Variants in TNIK observed in about 807,000 individuals in gnomAD.
TNIK encodes TRAF2 and NCK interacting kinase.
A neutral mutation model predicts 191.3 loss-of-function variants in TNIK; 49 were observed. That is an observed-to-expected ratio of 0.26 (90% CI 0.20 to 0.32). The LOEUF (loss-of-function observed/expected upper bound fraction) is 0.32. Among genes scored for constraint, TNIK ranks in the 10% least tolerant of loss-of-function variants. TNIK has a pLI of 1.00. For missense variants in TNIK, 1,155 were observed against 1,702.3 expected (o/e 0.68, Z 5.66); for synonymous variants, 594 against 600.9 (o/e 0.99, Z 0.17).
At chr3:171,213,607 G>T (rs1459712586) in intron 3 of TNIK, among the ~76,000 whole-genome samples, 1 of 152,048 alleles carries the variant, frequency 6.6e-6, no homozygotes, top group Non-Finnish European at 1.5e-5. Context: ...ACAACAGAAG[G>T]CACTATGTAA....
intron 2 of TNIK, among the ~76,000 whole-genome samples, chr3:171,299,315 G>A (rs570702787): frequency 1.6e-4 from 24 of 152,236 alleles, no homozygotes; most frequent in African/African-American, 5.5e-4. Flanking sequence ...CTCCAGTTTG[G>A]TGTCATCCTG....
At chr3:171,155,848 G>A (rs1733098980) in intron 12 of TNIK, among the ~76,000 whole-genome samples, 1 of 152,252 alleles carries the variant, frequency 6.6e-6, no homozygotes, top group Non-Finnish European at 1.5e-5. Flanking sequence ...TGGAGACACA[G>A]AACACATGCA....
chr3:171,427,004 G>A (rs142272131), intron 1 of TNIK, among the ~76,000 whole-genome samples: 169 of 152,320 alleles, frequency 1.1e-3, no homozygotes, highest in African/African-American at 3.8e-3. Flanking sequence ...GATCACAGAC[G>A]AAAGGGATAC....
intron 23 of TNIK, among the ~76,000 whole-genome samples, chr3:171,088,344 C>T: frequency 6.6e-6 from 1 of 151,676 alleles, no homozygotes; most frequent in East Asian, 1.9e-4. Context: ...AAGCAATTCT[C>T]CTGCCTCAGT....
chr3:171,424,939 A>T (rs1409493237), intron 1 of TNIK, among the ~76,000 whole-genome samples: 1 of 151,774 alleles, frequency 6.6e-6, no homozygotes, highest in Non-Finnish European at 1.5e-5. Flanking sequence ...TATATGTAAC[A>T]AACCTGCACG....
Position 171,195,075 on chromosome 3 carries a change from C to T in TNIK, c.307-440G>A, listed in dbSNP as rs1312296142. ...GTTTATGTTACTGGTTTGTAAGTGG[C>T]ACTGTAAGCTGTCAGTGTGGGAACT... On this transcript the variant is annotated intron_variant, in intron 4 of 32. Coordinates refer to ENST00000436636, the MANE Select transcript of TNIK (RefSeq NM_015028.4). Among the ~76,000 whole-genome samples the T allele has an allele frequency of 5.3e-5, 8 of 152,142 alleles. No homozygotes were observed. In the South Asian group the frequency reaches 1.5e-3, roughly 28 times the overall value.
Position 171,194,712 on chromosome 3 carries a change from G to A in TNIK, c.307-77C>T. On this transcript the variant is annotated intron_variant, in intron 4 of 32. Coordinates refer to ENST00000436636, the MANE Select transcript of TNIK (RefSeq NM_015028.4). ...ATTAAGTTGGGGTAAGAAAGCACAA[G>A]CAATTGGCTGCTTTGGAATGCCATT... 3.2e-6 allele frequency: 4 copies of A among 1,261,868 alleles called. No individual in the cohort carries two copies. The South Asian group carries it at 3.9e-5, about 12-fold the overall frequency. 78.2% of individuals were successfully genotyped at this position (1,261,868 alleles called of 1,614,324 possible).
At chr3:171,093,587 T>A (rs530832012) in intron 23 of TNIK, among the ~76,000 whole-genome samples, 122 of 152,320 alleles carry the variant, frequency 8.0e-4, no homozygotes, top group Non-Finnish European at 1.4e-3. Context: ...AAATTCTATA[T>A]TCTGATTTGC....
At chr3:171,175,411 G>T in intron 8 of TNIK, 81 bp from the exon 9 acceptor site, 1 of 1,177,672 alleles carries the variant, frequency 8.5e-7, no homozygotes, top group Non-Finnish European at 1.2e-6. Flanking sequence ...GCAGATAATG[G>T]CTGCCCAATG....
chr3:171,302,412 C>T (rs1050334499), intron 2 of TNIK, among the ~76,000 whole-genome samples: 4 of 152,032 alleles, frequency 2.6e-5, no homozygotes, highest in Non-Finnish European at 5.9e-5. Flanking sequence ...TTATATAGAC[C>T]AAAGTAAAAT....
rs184318495 is a variant in TNIK, at chr3:171,254,266, T to C, written c.124-26045A>G. Reference sequence around the variant, plus strand: ...CCCAAATAGTCTTAAAAAGATAATTTGATTTTCTTAAGGACCATTCTCCAA... The same window carrying C: ...CCCAAATAGTCTTAAAAAGATAATTCGATTTTCTTAAGGACCATTCTCCAA... On this transcript the variant is annotated intron_variant, in intron 2 of 32. Transcript: ENST00000436636. 1.7e-3 allele frequency among the ~76,000 whole-genome samples: 261 copies of C among 152,300 alleles called. 2 individuals carry two copies. Among genetic ancestry groups the C allele is most frequent in the African/African-American group, 5.8e-3 (241 of 41,564 alleles).
chr3:171,177,993 A>G (rs895512169), intron 7 of TNIK, among the ~76,000 whole-genome samples: 2 of 152,236 alleles, frequency 1.3e-5, no homozygotes, highest in Non-Finnish European at 2.9e-5. Context: ...TTTCACGTAG[A>G]ATAGTGTTTC....
intron 21 of TNIK, among the ~76,000 whole-genome samples, chr3:171,102,692 G>A (rs190774226): frequency 1.3e-5 from 2 of 152,230 alleles, no homozygotes; most frequent in Non-Finnish European, 2.9e-5. Flanking sequence ...GGGGATTAGG[G>A]AGAAAGAAAC....
intron 1 of TNIK, among the ~76,000 whole-genome samples, chr3:171,430,711 A>G (rs1725271373): frequency 1.3e-5 from 2 of 151,898 alleles, no homozygotes; most frequent in Admixed American, 1.3e-4. Flanking sequence ...AAAATCATTT[A>G]ATTTAATATT....
At chr3:171,282,334 G>GGTTTTTTTTTTTTTTTT (rs1553878294) in intron 2 of TNIK, among the ~76,000 whole-genome samples, 2 of 114,524 alleles carry the variant, frequency 1.7e-5, no homozygotes, top group African/African-American at 6.9e-5. Context: ...TCTCTTAATG[G>GGTTTTTTTTTTTTTTTT]TTTTTTGTTT....
intron 2 of TNIK, among the ~76,000 whole-genome samples, chr3:171,337,316 G>T (rs572616422): frequency 6.6e-6 from 1 of 152,310 alleles, no homozygotes; most frequent in East Asian, 1.9e-4. Context: ...GATAGTCTGT[G>T]CTTCCTGGAC....
chr3:171,415,839 G>A (rs1029300508), intron 1 of TNIK, among the ~76,000 whole-genome samples: 1 of 151,594 alleles, frequency 6.6e-6, no homozygotes, highest in Non-Finnish European at 1.5e-5. Flanking sequence ...AAATTAGCCA[G>A]GCGTGGTGGC....
At chr3:171,141,381 G>C (rs1445843878) in intron 12 of TNIK, among the ~76,000 whole-genome samples, 1 of 152,196 alleles carries the variant, frequency 6.6e-6, no homozygotes, top group Non-Finnish European at 1.5e-5. Context: ...TCCAGCATCT[G>C]AGCTCAATCA....
chr3:171,162,116 T>A (rs377596813), intron 10 of TNIK, among the ~76,000 whole-genome samples: 1 of 151,666 alleles, frequency 6.6e-6, no homozygotes, highest in South Asian at 2.1e-4. Flanking sequence ...CTTTTGACAA[T>A]AGGTGCTATT....
Sources: allele counts gnomAD v4.1 joint callset (sites outside exome capture counted in the v4.1 genomes callset), GRCh38; gene constraint gnomAD v4.1.1; transcripts MANE v1.5; gene names NCBI Gene and HGNC (gene_info 2026-07-23, HGNC 2026-07-21).